Variants in PPP4R3A observed in about 807,000 individuals in gnomAD.
The protein encoded by PPP4R3A is protein phosphatase 4 regulatory subunit 3A.
PPP4R3A carries 15 observed loss-of-function variants against 91.7 expected under a neutral mutation model. That is an observed-to-expected ratio of 0.16 (90% CI 0.11 to 0.25). PPP4R3A has a LOEUF of 0.25. Ranked by LOEUF, PPP4R3A falls within the 10% of genes least tolerant of loss-of-function variation. The pLI, the probability that PPP4R3A is intolerant of heterozygous loss-of-function variation, is 1.00. For missense variants in PPP4R3A, 623 were observed against 998.4 expected (o/e 0.62, Z 5.07); for synonymous variants, 377 against 348.7 (o/e 1.08, Z -0.91).
Position 91,510,107 on chromosome 14 carries a change from C to T in PPP4R3A, c.-460G>A, listed in dbSNP as rs1475870059. ...TGCCACCGCGGCCAGTGGCTCCCTT[C>T]CGCTCCCCCTGTTTTAAACGTCAGA... On this transcript the variant is annotated 5_prime_UTR_variant, in exon 1 of 15. Coordinates refer to ENST00000554943, the MANE Select transcript of PPP4R3A (RefSeq NM_001366432.2). 4.9e-6 allele frequency: 1 copy of T among 202,352 alleles called. No homozygotes were observed. The highest frequency in any genetic ancestry group is 8.9e-6 in the Non-Finnish European group (1 of 112,994). The allele number at this position is 202,352 out of a possible 1,614,324, so 12.5% of individuals were successfully genotyped here.
chr14:91,508,850 A>G (rs894663858), intron 1 of PPP4R3A, among the ~76,000 whole-genome samples: 3 of 152,210 alleles, frequency 2.0e-5, no homozygotes, highest in African/African-American at 7.2e-5. Flanking sequence ...TATGATTCCA[A>G]CTTTGCAAGA....
At position 91,466,280 on chromosome 14, in the gene PPP4R3A, T is replaced by G. The variant is rs537610152; in HGVS notation, c.1661-861A>C. On this transcript the variant is annotated intron_variant, in intron 10 of 14. Coordinates refer to ENST00000554943, the MANE Select transcript of PPP4R3A (RefSeq NM_001366432.2). ...ACTCACTTCATGCAGTCACATCGTC[T>G]TCGGTTGGCAAGATTAAATATTGTG... 3 of 985,720 alleles carry G rather than the reference T, an allele frequency of 3.0e-6. No homozygotes were observed. In the African/African-American group the frequency reaches 5.2e-5, roughly 17 times the overall value. The allele number at this position is 985,720 out of a possible 1,614,324, so 61.1% of individuals were successfully genotyped here.
rs1888200799 is a variant in PPP4R3A at position 91,462,179 on chromosome 14, T to A, written c.2034A>T (p.Glu678Asp). ...YRRDARTLED[E>D]EEMWFNTDED... ...CATCTGTGTTAAACCACATCTCTTC[T>A]TCATCTTCTAGTGTTCTGGCATCTC... The change falls in exon 13 of 15, where the codon GAA (glutamate) becomes GAT (aspartate). Residue 678 changes from glutamate to aspartate, a missense_variant. Glu to Asp is a conservative substitution (Grantham distance 45). This residue lies in a region of PPP4R3A where 201 missense variants were observed against 229.9 expected (regional missense o/e 0.87). Transcript: ENST00000554943. The A allele has an allele frequency of 6.2e-7, 1 of 1,608,924 alleles. No homozygotes were observed. The highest frequency in any genetic ancestry group is 8.5e-7 in the Non-Finnish European group (1 of 1,178,358).
At chr14:91,471,110 A>C (rs1312324762) in intron 9 of PPP4R3A, 115 bp from the exon 10 acceptor site, 39 of 952,020 alleles carry the variant, frequency 4.1e-5, no homozygotes, top group Non-Finnish European at 5.4e-5. Flanking sequence ...AAATATATTA[A>C]CTTTAGGGAG....
chr14:91,507,417 A>AG (rs1891408575), intron 1 of PPP4R3A, among the ~76,000 whole-genome samples: 2 of 92,204 alleles, frequency 2.2e-5, no homozygotes, highest in Non-Finnish European at 4.1e-5. Context: ...TATATACTAT[A>AG]TAATATATAT....
In PPP4R3A at chr14:91,495,903, A is replaced by G. The variant is rs561531433; in HGVS notation, c.143-5101T>C. ...CACTGCACTCCAGCCTAGGCAACAG[A>G]GCAAGACCCAGTCTCAAAAAAACAA... On this transcript the variant is annotated intron_variant, in intron 1 of 14. Coordinates refer to ENST00000554943, the MANE Select transcript of PPP4R3A (RefSeq NM_001366432.2). Among the ~76,000 whole-genome samples, 22 of 145,542 alleles carry G rather than the reference A, an allele frequency of 1.5e-4. No individual in the cohort carries two copies. In the Admixed American group the frequency reaches 1.6e-3, roughly 10 times the overall value.
chr14:91,474,398 A>G (rs1020220022), intron 7 of PPP4R3A, among the ~76,000 whole-genome samples: 21 of 152,172 alleles, frequency 1.4e-4, no homozygotes, highest in African/African-American at 4.3e-4. Context: ...AGGATGGACA[A>G]GGGATAGAGA....
chr14:91,507,497 G>C (rs1057285753), intron 1 of PPP4R3A, among the ~76,000 whole-genome samples: 1 of 127,820 alleles, frequency 7.8e-6, no homozygotes, highest in African/African-American at 3.3e-5. Flanking sequence ...ATACTATATA[G>C]AATATATGCT....
At chr14:91,507,562 C>A (rs550295390) in intron 1 of PPP4R3A, among the ~76,000 whole-genome samples, 1 of 54,724 alleles carries the variant, frequency 1.8e-5, no homozygotes, top group South Asian at 5.2e-4. Context: ...GTTATATATA[C>A]TATATATTAT....
chr14:91,462,224 C>G lies in PPP4R3A; in HGVS notation c.1989G>C (p.Leu663Phe). The change falls in exon 13 of 15, where the codon TTG becomes TTC. Residue 663 changes from leucine (L) to phenylalanine (F), a missense_variant. Physicochemically the swap from Leu to Phe is conservative, Grantham distance 22. Transcript: ENST00000554943. ...CATCTCTTCGATATCTGTGATTCCT[C>G]AAAATGGAACGCATACTATGAGTAG... ...NPKLDSMRSILRNHRYRRDAR... is the reference protein window; with the variant it reads ...NPKLDSMRSIFRNHRYRRDAR... 6 of 1,589,074 alleles carry G rather than the reference C, an allele frequency of 3.8e-6. No individual in the cohort carries two copies. Among genetic ancestry groups the G allele is most frequent in the Non-Finnish European group, 5.1e-6 (6 of 1,171,880 alleles).
At chr14:91,468,530 GTAGTGGTGCGCTC>G (rs1051063145) in intron 10 of PPP4R3A, among the ~76,000 whole-genome samples, 5 of 151,842 alleles carry the variant, frequency 3.3e-5, no homozygotes, top group Non-Finnish European at 7.4e-5. Flanking sequence ...TTAGCTGGGT[GTAGTGGTGCGCTC>G]CTGTAATCCC....
intron 10 of PPP4R3A, among the ~76,000 whole-genome samples, chr14:91,466,940 AAC>A (rs10525073): frequency 9.5e-5 from 14 of 147,554 alleles, no homozygotes; most frequent in Non-Finnish European, 1.5e-4. Flanking sequence ...GTCCTACCAT[AAC>A]ACACACACAC....
chr14:91,458,823 T>C lies in PPP4R3A; in HGVS notation c.2438A>G (p.Asp813Gly), dbSNP rs1420661348. 6.2e-7 allele frequency: 1 copy of C among 1,613,818 alleles called. No individual in the cohort carries two copies. Among genetic ancestry groups the C allele is most frequent in the Admixed American group, 1.7e-5 (1 of 60,002 alleles). Reference protein sequence around the residue: ...LVDYPDDDEDDDEDEDKEDTL... With the variant: ...LVDYPDDDEDGDEDEDKEDTL... The stretch of plus-strand genomic sequence containing the variant: ...ATCTTCCTTATCTTCATCCTCATCA[T>C]CATCTTCATCATCATCAGGATAATC... The change falls in exon 15 of 15, where the codon GAT becomes GGT. Residue 813 changes from aspartate (D) to glycine (G), a missense_variant. This residue lies in a region of PPP4R3A where 201 missense variants were observed against 229.9 expected (regional missense o/e 0.87). Transcript: ENST00000554943.
chr14:91,458,796 GTATCTTCCT>G lies in PPP4R3A; in HGVS notation c.2456_2464del (p.Lys819_Asp821del), dbSNP rs1567142113. ...TTTTGCTTTCTTTGACAATGGTAAC[GTATCTTCCT>G]TATCTTCATCCTCATCATCATCTTC... is the stretch of plus-strand genomic sequence containing the variant. On this transcript the variant is annotated inframe_deletion, in exon 15 of 15. Coordinates refer to ENST00000554943, the MANE Select transcript of PPP4R3A (RefSeq NM_001366432.2). 6.2e-7 allele frequency: 1 copy of G among 1,614,046 alleles called. No homozygotes were observed. Among genetic ancestry groups the G allele is most frequent in the Non-Finnish European group, 8.5e-7 (1 of 1,179,990 alleles).
rs550262539 is a variant in PPP4R3A, at chr14:91,458,616, T to A, written c.*143A>T. On this transcript the variant is annotated 3_prime_UTR_variant, in exon 15 of 15. Transcript: ENST00000554943. ...CCTCCTGCTCCATTGAATTGGCACT[T>A]GATGAGCAGAAGTCAAGTGTAAGAG... is the stretch of plus-strand genomic sequence containing the variant. The A allele has an allele frequency of 1.2e-5, 14 of 1,207,256 alleles. No homozygotes were observed. In the South Asian group the frequency reaches 1.3e-4, roughly 12 times the overall value. 74.8% of individuals were successfully genotyped at this position (1,207,256 alleles called of 1,614,324 possible). A position where few individuals can be genotyped will look rare whatever the true frequency, so the allele number is the denominator to read the frequency against.
intron 3 of PPP4R3A, among the ~76,000 whole-genome samples, chr14:91,483,232 A>G (rs1288950530): frequency 6.6e-6 from 1 of 152,222 alleles, no homozygotes; most frequent in Admixed American, 6.5e-5. Flanking sequence ...TAGAATGGTA[A>G]AGCAATGAAA....
At chr14:91,485,592 C>T (rs776383019) in intron 3 of PPP4R3A, 40 bp downstream of exon 3, 1 of 1,446,132 alleles carries the variant, frequency 6.9e-7, no homozygotes, top group South Asian at 1.2e-5. Flanking sequence ...AAACTAAACA[C>T]TTAAAGAAAG....
rs1464745002 is a variant in PPP4R3A, at chr14:91,458,315, A to C, written c.*444T>G. The C allele has an allele frequency of 5.1e-6, 1 of 195,960 alleles. No individual in the cohort carries two copies. The highest frequency in any genetic ancestry group is 1.1e-5 in the Non-Finnish European group (1 of 94,434). 12.1% of individuals were successfully genotyped at this position (195,960 alleles called of 1,614,324 possible). A position where few individuals can be genotyped will look rare whatever the true frequency, so the allele number is the denominator to read the frequency against. On this transcript the variant is annotated 3_prime_UTR_variant, in exon 15 of 15. Transcript: ENST00000554943. ...TTGACTAAAATGTTCAGAATGTATG[A>C]TTTTAAAGGCAGGTCTCTTTATACA...
chr14:91,472,851 A>ACCAACCAACCAACC, intron 9 of PPP4R3A, among the ~76,000 whole-genome samples, 182 bp downstream of exon 9: 2 of 151,246 alleles, frequency 1.3e-5, no homozygotes, highest in African/African-American at 2.4e-5. Context: ...CAACCAACCA[A>ACCAACCAACCAACC]ATTATTAAGA....
Sources: allele counts gnomAD v4.1 joint callset (sites outside exome capture counted in the v4.1 genomes callset), GRCh38; gene constraint gnomAD v4.1.1; regional missense constraint gnomAD v4.1.1; transcripts MANE v1.5; gene names NCBI Gene and HGNC (gene_info 2026-07-23, HGNC 2026-07-21).